TMC1: variants seen among roughly 807,000 people sequenced by gnomAD.
TMC1 encodes the protein transmembrane channel-like protein 1.
Under a neutral mutation model 105.8 loss-of-function variants are expected in TMC1, and 84 were observed. The ratio of observed to expected loss-of-function variants is 0.79; its 90% CI spans 0.67 to 0.95. TMC1 has a LOEUF of 0.95. Ranked by LOEUF, TMC1 falls within the 40% of genes least tolerant of loss-of-function variation. TMC1 has a pLI of 0.00. For synonymous variants in TMC1, 315 were observed against 311.5 expected, an observed-to-expected ratio of 1.01 and a Z score of -0.12; for missense variants, 817 against 914.1, an observed-to-expected ratio of 0.89 and a Z score of 1.37.
intron 15 of TMC1, 111 bp downstream of exon 15, chr9:72,789,428 C>A (rs1300072725): frequency 5.9e-6 from 6 of 1,015,776 alleles, no homozygotes; most frequent in East Asian, 4.9e-5. Flanking sequence ...TATCCCCTAT[C>A]CTGCCCTTAC....
chr9:72,564,725 G>C (rs887371036), intron 1 of TMC1, among the ~76,000 whole-genome samples: 3 of 152,116 alleles, frequency 2.0e-5, no homozygotes, highest in African/African-American at 7.2e-5. Flanking sequence ...ATAGTGAAAG[G>C]CTCTTCTCCC....
chr9:72,526,586 C>T (rs1404224760), intron 1 of TMC1, among the ~76,000 whole-genome samples: 9 of 152,142 alleles, frequency 5.9e-5, no homozygotes, highest in African/African-American at 1.9e-4. Context: ...TCTTTTTCCT[C>T]TCTGGTGTTT....
intron 7 of TMC1, among the ~76,000 whole-genome samples, chr9:72,698,780 A>G (rs573890418): frequency 6.6e-6 from 1 of 152,256 alleles, no homozygotes; most frequent in South Asian, 2.1e-4. Flanking sequence ...AGAGGGGCTG[A>G]TGCTCTGTGG....
intron 4 of TMC1, among the ~76,000 whole-genome samples, chr9:72,635,483 C>T (rs933480932): frequency 2.0e-5 from 3 of 152,154 alleles, no homozygotes; most frequent in Non-Finnish European, 4.4e-5. Context: ...ACAAAAGATG[C>T]TCCTGTTACC....
chr9:72,601,947 G>A (rs927194581), intron 2 of TMC1, among the ~76,000 whole-genome samples: 16 of 152,168 alleles, frequency 1.1e-4, no homozygotes, highest in Admixed American at 3.9e-4. Context: ...TCTCAGGGAT[G>A]GGACCCAAGC....
chr9:72,617,811 A>G (rs1825159402), intron 3 of TMC1, among the ~76,000 whole-genome samples: 1 of 152,028 alleles, frequency 6.6e-6, no homozygotes, highest in Non-Finnish European at 1.5e-5. Context: ...ATTTCTACTC[A>G]CTGCCAGTGG....
chr9:72,748,318 A>T (rs1421819813), intron 10 of TMC1, among the ~76,000 whole-genome samples: 1 of 152,168 alleles, frequency 6.6e-6, no homozygotes, highest in East Asian at 1.9e-4. Flanking sequence ...ATACATATAG[A>T]TCAAATTGGT....
At chr9:72,634,299 T>C (rs948942516) in intron 4 of TMC1, among the ~76,000 whole-genome samples, 2 of 152,134 alleles carry the variant, frequency 1.3e-5, no homozygotes, top group African/African-American at 4.8e-5. Context: ...ATTTTGACAA[T>C]AGTGATTTTA....
chr9:72,558,406 A>G (rs950703108), intron 1 of TMC1, among the ~76,000 whole-genome samples: 14 of 152,170 alleles, frequency 9.2e-5, no homozygotes, highest in African/African-American at 3.4e-4. Context: ...TTTCAATTAC[A>G]TTGTTTTTGA....
intron 5 of TMC1, among the ~76,000 whole-genome samples, chr9:72,649,103 G>A (rs564228879): frequency 2.0e-5 from 3 of 152,322 alleles, no homozygotes; most frequent in African/African-American, 2.4e-5. Flanking sequence ...AGAAGAGGAA[G>A]CAGGTAAAGT....
At chr9:72,544,212 G>C (rs1823726746) in intron 1 of TMC1, among the ~76,000 whole-genome samples, 1 of 151,880 alleles carries the variant, frequency 6.6e-6, no homozygotes, top group Non-Finnish European at 1.5e-5. Flanking sequence ...GCCTCCCAAA[G>C]TGCTGGGATT....
intron 21 of TMC1, among the ~76,000 whole-genome samples, chr9:72,829,964 A>G (rs1829014890): frequency 6.6e-6 from 1 of 152,200 alleles, no homozygotes; most frequent in Non-Finnish European, 1.5e-5. Flanking sequence ...TTCCATGTTC[A>G]TTATCTATGC....
At chr9:72,683,515 G>GT (rs201907657) in intron 5 of TMC1, among the ~76,000 whole-genome samples, 11 of 149,142 alleles carry the variant, frequency 7.4e-5, no homozygotes, top group South Asian at 6.4e-4. Flanking sequence ...TTTTAAAGAG[G>GT]TTTTTTTTTA....
intron 1 of TMC1, 129 bp from the exon 2 acceptor site, chr9:72,577,773 A>C (rs1418121575): frequency 6.6e-6 from 1 of 152,166 alleles, no homozygotes; most frequent in African/African-American, 2.4e-5. Flanking sequence ...TAGCTTGCTG[A>C]AAAACATGCC....
chr9:72,650,881 T>TATATATAA (rs1169622478), intron 5 of TMC1, among the ~76,000 whole-genome samples: 1 of 97,054 alleles, frequency 1.0e-5, no homozygotes. Context: ...TTTATATATA[T>TATATATAA]AGATATATAG....
In TMC1 at chr9:72,640,138, C is replaced by A. The variant is rs578160389; in HGVS notation, c.-52-8459C>A. 4.1e-4 allele frequency among the ~76,000 whole-genome samples: 62 copies of A among 152,166 alleles called. No homozygotes were observed. The South Asian group carries it at 0.013, about 31-fold the overall frequency. On this transcript the variant is annotated intron_variant, in intron 4 of 23. Coordinates refer to ENST00000297784, the MANE Select transcript of TMC1 (RefSeq NM_138691.3). Reference sequence around the variant, plus strand: ...AATGTCTTTGTGACTGTCATTTTTACTAATGTTGTATATTGGTACTACTAA... The same window carrying A: ...AATGTCTTTGTGACTGTCATTTTTAATAATGTTGTATATTGGTACTACTAA...
intron 2 of TMC1, among the ~76,000 whole-genome samples, chr9:72,580,258 A>G (rs1824453540): frequency 6.6e-6 from 1 of 152,162 alleles, no homozygotes; most frequent in Admixed American, 6.5e-5. Context: ...TTTTCCTACT[A>G]TATAGTCTTA....
chr9:72,646,703 G>A (rs996639195), intron 4 of TMC1, among the ~76,000 whole-genome samples: 5 of 151,496 alleles, frequency 3.3e-5, no homozygotes, highest in South Asian at 4.2e-4. Flanking sequence ...GCACTATCTC[G>A]ACTCACTGCA....
At chr9:72,544,316 T>C (rs1428130419) in intron 1 of TMC1, among the ~76,000 whole-genome samples, 1 of 134,854 alleles carries the variant, frequency 7.4e-6, no homozygotes, top group Non-Finnish European at 1.6e-5. Flanking sequence ...TAAGGTGTCA[T>C]ATGACCAGGC....
Sources: allele counts gnomAD v4.1 joint callset (sites outside exome capture counted in the v4.1 genomes callset), GRCh38; gene constraint gnomAD v4.1.1; transcripts MANE v1.5; gene names NCBI Gene and HGNC (gene_info 2026-07-23, HGNC 2026-07-21).